The following CFAP61 variants were observed in gnomAD, a reference collection of about 807,000 sequenced individuals.
The protein encoded by CFAP61 is cilia and flagella associated protein 61, also known as cilia- and flagella-associated protein 61.
Under a neutral mutation model 135.6 loss-of-function variants are expected in CFAP61, and 107 were observed. The observed-to-expected ratio is 0.79, with a 90% CI of 0.67 to 0.93. The LOEUF is 0.93. Ranked by LOEUF, CFAP61 falls within the 40% of genes least tolerant of loss-of-function variation. The pLI is 0.00. For synonymous variants in CFAP61, 575 were observed against 578.5 expected, an observed-to-expected ratio of 0.99 and a Z score of 0.09; for missense variants, 1,507 against 1,556.2, an observed-to-expected ratio of 0.97 and a Z score of 0.53.
chr20:20,279,670 G>A (rs6075637), intron 22 of CFAP61, among the ~76,000 whole-genome samples: 44,434 of 152,010 alleles, frequency 0.29, 6,628 homozygotes, highest in African/African-American at 0.31. Context: ...AGGGTCAGCT[G>A]TAACCTCAAC....
intron 6 of CFAP61, among the ~76,000 whole-genome samples, chr20:20,080,244 C>T (rs916362822): frequency 6.6e-6 from 1 of 151,984 alleles, no homozygotes; most frequent in Admixed American, 6.6e-5. Flanking sequence ...TACATATATA[C>T]CTATATATAT....
In CFAP61 at chr20:20,169,420, G is replaced by A. The variant is rs763745319; in HGVS notation, c.1345G>A (p.Glu449Lys). ...KMVPFNTCTLEQDLYVFHRAG... is the reference protein window; with the variant it reads ...KMVPFNTCTLKQDLYVFHRAG... ...GGTCCCTTTCAACACCTGCACCCTC[G>A]AGCAGGACCTCTACGTCTTCCACCG... Residue 449 changes from glutamate (E) to lysine (K), a missense_variant, in exon 13 of 27, where the codon GAG becomes AAG. Coordinates refer to ENST00000245957, the MANE Select transcript of CFAP61 (RefSeq NM_015585.4). 9.3e-6 allele frequency: 15 copies of A among 1,613,768 alleles called. No individual in the cohort carries two copies. Among genetic ancestry groups the A allele is most frequent in the South Asian group, 2.2e-5 (2 of 91,020 alleles).
At chr20:20,209,071 G>C (rs1222833050) in intron 17 of CFAP61, among the ~76,000 whole-genome samples, 1 of 152,098 alleles carries the variant, frequency 6.6e-6, no homozygotes, top group Non-Finnish European at 1.5e-5. Flanking sequence ...GCATTTAATC[G>C]GTGCTTGCCA....
chr20:20,243,861 G>A (rs532302300), intron 18 of CFAP61, among the ~76,000 whole-genome samples: 49 of 152,314 alleles, frequency 3.2e-4, no homozygotes, highest in African/African-American at 1.1e-3. Context: ...CTACCTCCTA[G>A]ATACAGTGGG....
At chr20:20,223,183 A>G (rs1028348091) in intron 17 of CFAP61, among the ~76,000 whole-genome samples, 2 of 152,192 alleles carry the variant, frequency 1.3e-5, no homozygotes, top group African/African-American at 2.4e-5. Flanking sequence ...ACCTTGTGTA[A>G]CATCTTTGCC....
rs188534357 is a variant in CFAP61, at chr20:20,123,218, G to A, written c.860-19639G>A. 1.1e-3 allele frequency among the ~76,000 whole-genome samples: 166 copies of A among 151,614 alleles called. 1 individual carries two copies. Among genetic ancestry groups the A allele is most frequent in the Non-Finnish European group, 2.2e-3 (149 of 67,966 alleles). ...GTAAAGACTTTCTCCCTCTCTGTAGGTTGTCTGTTTATTCTGCTAACCGTT... is the reference window on the plus strand; with the variant it reads ...GTAAAGACTTTCTCCCTCTCTGTAGATTGTCTGTTTATTCTGCTAACCGTT... On this transcript the variant is annotated intron_variant, in intron 8 of 26. Transcript: ENST00000245957.
chr20:20,106,619 G>A (rs958568585), intron 8 of CFAP61, among the ~76,000 whole-genome samples: 1 of 152,098 alleles, frequency 6.6e-6, no homozygotes, highest in Non-Finnish European at 1.5e-5. Context: ...TTATGTGCTG[G>A]GATTATTTTC....
At chr20:20,269,144 T>TATATATAC (rs1569219093) in intron 21 of CFAP61, among the ~76,000 whole-genome samples, 7 of 85,066 alleles carry the variant, frequency 8.2e-5, no homozygotes, top group Non-Finnish European at 2.7e-5. Flanking sequence ...TATATATATA[T>TATATATAC]ATACACACAC....
chr20:20,291,144 T>A (rs2054973034), intron 24 of CFAP61, among the ~76,000 whole-genome samples: 1 of 152,172 alleles, frequency 6.6e-6, no homozygotes, highest in Non-Finnish European at 1.5e-5. Flanking sequence ...TTACAATTAA[T>A]AAACCTACAC....
chr20:20,120,215 G>A (rs1600763277), intron 8 of CFAP61, among the ~76,000 whole-genome samples: 1 of 152,050 alleles, frequency 6.6e-6, no homozygotes, highest in Non-Finnish European at 1.5e-5. Context: ...GTTTCTTGAG[G>A]TACATCGTTA....
chr20:20,101,380 G>A (rs866233849), intron 8 of CFAP61, among the ~76,000 whole-genome samples: 47 of 152,006 alleles, frequency 3.1e-4, no homozygotes, highest in African/African-American at 1.0e-3. Flanking sequence ...CTATAACTTG[G>A]TGTAGGAGAG....
chr20:20,323,255 C>A, intron 25 of CFAP61: 1 of 985,432 alleles, frequency 1.0e-6, no homozygotes, highest in Non-Finnish European at 1.2e-6. Flanking sequence ...ATTCAGCCTT[C>A]GTCTTCGATT....
At chr20:20,182,738 C>G (rs568330663) in intron 13 of CFAP61, among the ~76,000 whole-genome samples, 201 of 71,352 alleles carry the variant, frequency 2.8e-3, no homozygotes, top group African/African-American at 9.8e-3. Context: ...AAAGCAATTT[C>G]CTTTGTAAAG....
intron 26 of CFAP61, among the ~76,000 whole-genome samples, chr20:20,357,844 T>G (rs2059295674): frequency 1.1e-5 from 1 of 94,564 alleles, no homozygotes; most frequent in African/African-American, 4.1e-5. Flanking sequence ...TGAGGGGAGG[T>G]GGTCACAGTG....
intron 1 of CFAP61, among the ~76,000 whole-genome samples, chr20:20,053,944 A>G (rs2044009319): frequency 6.7e-6 from 1 of 150,334 alleles, no homozygotes; most frequent in Non-Finnish European, 1.5e-5. Flanking sequence ...GCTTCTGATC[A>G]CCATCCTTCT....
intron 12 of CFAP61, among the ~76,000 whole-genome samples, chr20:20,167,173 C>T (rs2053901531): frequency 6.6e-6 from 1 of 152,118 alleles, no homozygotes; most frequent in Non-Finnish European, 1.5e-5. Context: ...GTATCTATTG[C>T]TTTACTTTTC....
rs988066142 is a variant in CFAP61, at chr20:20,158,076, C to T, written c.952-1294C>T. Reference sequence around the variant, plus strand: ...TGGACACAGGAAGGGGAATATCACACTCTGGGGACTGTGGTGGGGTGGGGG... The same window carrying T: ...TGGACACAGGAAGGGGAATATCACATTCTGGGGACTGTGGTGGGGTGGGGG... On this transcript the variant is annotated intron_variant, in intron 9 of 26. Coordinates refer to ENST00000245957, the MANE Select transcript of CFAP61 (RefSeq NM_015585.4). Among the ~76,000 whole-genome samples, 6 of 148,024 alleles carry T rather than the reference C, an allele frequency of 4.1e-5. No individual in the cohort carries two copies. The East Asian group carries it at 1.3e-3, about 33-fold the overall frequency.
At chr20:20,251,548 C>A in intron 19 of CFAP61, 47 bp from the exon 20 acceptor site, 2 of 1,590,484 alleles carry the variant, frequency 1.3e-6, no homozygotes, top group Non-Finnish European at 1.7e-6. Flanking sequence ...AATTAATGCC[C>A]GCTGTCAGCT....
chr20:20,238,885 C>T (rs2049803049), intron 18 of CFAP61, among the ~76,000 whole-genome samples: 1 of 152,142 alleles, frequency 6.6e-6, no homozygotes, highest in South Asian at 2.1e-4. Context: ...GAAATCCCCA[C>T]TGGAATTATT....
Sources: gnomAD v4.1 joint callset for allele counts (sites outside exome capture counted in the v4.1 genomes callset) on GRCh38, gnomAD v4.1.1 for gene constraint, MANE v1.5 for transcripts, NCBI Gene and HGNC (gene_info 2026-07-23, HGNC 2026-07-21) for gene names.